IST1: variants seen among roughly 807,000 people sequenced by gnomAD.
IST1 encodes IST1 homolog.
IST1 carries 23 observed loss-of-function variants against 37.0 expected under a neutral mutation model. The observed-to-expected ratio is 0.62, with a 90% CI of 0.45 to 0.88. The LOEUF (loss-of-function observed/expected upper bound fraction) is 0.88, where lower values mean the gene tolerates loss of function less well. Among genes scored for constraint, IST1 ranks in the 40% least tolerant of loss-of-function variants. The probability of loss-of-function intolerance (pLI) is 0.00; values close to 1 mark genes in which losing one functional copy is unlikely to be tolerated. For synonymous variants in IST1, 180 were observed against 161.7 expected (o/e 1.11, Z -0.86); for missense variants, 488 against 445.4 (o/e 1.10, Z -0.86).
chr16:71,908,334 C>G (rs1009641447), intron 1 of IST1, among the ~76,000 whole-genome samples: 6 of 112,928 alleles, frequency 5.3e-5, no homozygotes, highest in African/African-American at 1.9e-4. Context: ...CAGTCTTGCT[C>G]TGTCGCCCAG....
chr16:71,919,568 A>T (rs925565165), intron 4 of IST1, among the ~76,000 whole-genome samples: 11 of 152,120 alleles, frequency 7.2e-5, no homozygotes, highest in Non-Finnish European at 1.3e-4. Flanking sequence ...TGTATCTTTT[A>T]AAAATAGAGA....
intron 1 of IST1, among the ~76,000 whole-genome samples, chr16:71,896,045 C>T (rs1597225705): frequency 6.6e-6 from 1 of 152,348 alleles, no homozygotes; most frequent in South Asian, 2.1e-4. Flanking sequence ...CCGCTTCCAC[C>T]GGGCGGGGTG....
chr16:71,916,112 G>T (rs999463133), intron 2 of IST1, among the ~76,000 whole-genome samples: 1 of 152,184 alleles, frequency 6.6e-6, no homozygotes, highest in African/African-American at 2.4e-5. Flanking sequence ...GATTACAGGC[G>T]TGAGCTACCA....
intron 8 of IST1, chr16:71,924,031 A>G: frequency 2.3e-6 from 1 of 444,148 alleles, no homozygotes; most frequent in Non-Finnish European, 4.5e-6. Flanking sequence ...TTACTCATCT[A>G]GGAAGATCTT....
rs2037873578 is a variant in IST1 at position 71,930,020 on chromosome 16, A to AT, written c.*2207_*2208insT. ...ACAGTGGAGCTTTCCCAGTGATATA[A>AT]CAGCATGCTAGTTTATCTTTTAGTT... On this transcript the variant is annotated 3_prime_UTR_variant, in exon 10 of 10. Transcript: ENST00000378799. 2.6e-6 allele frequency: 4 copies of AT among 1,536,026 alleles called. No individual in the cohort carries two copies. The highest frequency in any genetic ancestry group is 3.5e-6 in the Non-Finnish European group (4 of 1,139,926).
At chr16:71,899,855 C>T (rs998250142) in intron 1 of IST1, among the ~76,000 whole-genome samples, 2 of 152,082 alleles carry the variant, frequency 1.3e-5, no homozygotes, top group African/African-American at 4.8e-5. Flanking sequence ...AACCCTGTCT[C>T]TACTAAAAAT....
chr16:71,921,689 A>T (rs920331442), intron 6 of IST1: 6 of 433,526 alleles, frequency 1.4e-5, no homozygotes, highest in Non-Finnish European at 2.5e-5. Context: ...TGGCACTATT[A>T]TTGCTACTTT....
intron 1 of IST1, among the ~76,000 whole-genome samples, chr16:71,914,589 A>G (rs1311376631): frequency 6.6e-6 from 1 of 152,328 alleles, no homozygotes; most frequent in East Asian, 1.9e-4. Flanking sequence ...GATGACATAA[A>G]TGCCCCATTT....
chr16:71,927,928 C>A lies in IST1; in HGVS notation c.*115C>A. 2.7e-6 allele frequency: 2 copies of A among 746,896 alleles called. No homozygotes were observed. Among genetic ancestry groups the A allele is most frequent in the Non-Finnish European group, 4.6e-6 (2 of 435,178 alleles). The allele number at this position is 746,896 out of a possible 1,614,324, so 46.3% of individuals were successfully genotyped here. A position where few individuals can be genotyped will look rare whatever the true frequency, so the allele number is the denominator to read the frequency against. ...ATCTGTTAACCGTCACTCAGCACAA[C>A]ACTCCCTCTGGGCTCTCTTCCTGCT... On this transcript the variant is annotated 3_prime_UTR_variant, in exon 10 of 10. Transcript: ENST00000378799.
In IST1 at chr16:71,929,019, A is replaced by T. The variant is rs1483552099; in HGVS notation, c.*1206A>T. On this transcript the variant is annotated 3_prime_UTR_variant, in exon 10 of 10. Transcript: ENST00000378799. ...AAAGATCCTGTGTCCTGCTTTCTCT[A>T]CTGTTTGGTCAGATGATGAAGTATA... 2 of 152,922 alleles carry T rather than the reference A, an allele frequency of 1.3e-5. No individual in the cohort carries two copies. Among genetic ancestry groups the T allele is most frequent in the African/African-American group, 4.8e-5 (2 of 41,430 alleles). 9.5% of individuals were successfully genotyped at this position (152,922 alleles called of 1,614,324 possible).
chr16:71,910,498 CG>C (rs1270236430), intron 1 of IST1, among the ~76,000 whole-genome samples: 1 of 151,090 alleles, frequency 6.6e-6, no homozygotes, highest in Non-Finnish European at 1.5e-5. Flanking sequence ...CCCAGCTACT[CG>C]GGAGGCTGAG....
chr16:71,920,002 A>G (rs1371101368), intron 4 of IST1, among the ~76,000 whole-genome samples: 1 of 152,202 alleles, frequency 6.6e-6, no homozygotes, highest in Admixed American at 6.5e-5. Context: ...AAAGGGGGTA[A>G]AAATATTTAT....
At chr16:71,918,801 G>C (rs2037519628) in intron 4 of IST1, among the ~76,000 whole-genome samples, 1 of 152,162 alleles carries the variant, frequency 6.6e-6, no homozygotes, top group Non-Finnish European at 1.5e-5. Flanking sequence ...TAAACAGAGT[G>C]ATAAATTAAT....
intron 2 of IST1, 141 bp from the exon 3 acceptor site, chr16:71,916,320 AG>A: frequency 1.4e-6 from 1 of 732,848 alleles, no homozygotes; most frequent in Non-Finnish European, 2.2e-6. Context: ...TCTACAGTAG[AG>A]GGGATGGGAT....
intron 4 of IST1, 88 bp from the exon 5 acceptor site, chr16:71,920,651 A>G (rs1474218419): frequency 1.2e-6 from 1 of 853,292 alleles, no homozygotes; most frequent in East Asian, 2.5e-5. Flanking sequence ...ATCTTGTAAT[A>G]GACGCGTGTT....
At chr16:71,925,092 A>C (rs899877387) in intron 9 of IST1, among the ~76,000 whole-genome samples, 1 of 149,204 alleles carries the variant, frequency 6.7e-6, no homozygotes, top group African/African-American at 2.5e-5. Flanking sequence ...GGCTCACTGC[A>C]AGCTCCGCCT....
intron 1 of IST1, among the ~76,000 whole-genome samples, chr16:71,896,108 C>T (rs2036964017): frequency 6.6e-6 from 1 of 152,198 alleles, no homozygotes; most frequent in African/African-American, 2.4e-5. Context: ...CCACTTTGGC[C>T]TGAGAAAATT....
intron 1 of IST1, among the ~76,000 whole-genome samples, chr16:71,908,771 C>G (rs961243724): frequency 1.3e-5 from 2 of 152,168 alleles, no homozygotes; most frequent in African/African-American, 4.8e-5. Flanking sequence ...TGCTGATGCT[C>G]ATTTCCGGGT....
chr16:71,924,096 G>T, intron 8 of IST1: 1 of 455,778 alleles, frequency 2.2e-6, no homozygotes, highest in Non-Finnish European at 4.4e-6. Context: ...TGTAGCTGAT[G>T]TGTTCTACCT....
Sources: allele counts gnomAD v4.1 joint callset (sites outside exome capture counted in the v4.1 genomes callset), GRCh38; gene constraint gnomAD v4.1.1; transcripts MANE v1.5; gene names NCBI Gene and HGNC (gene_info 2026-07-23, HGNC 2026-07-21).